Variants in FAT3 observed in about 807,000 individuals in gnomAD.
FAT3 encodes the protein protocadherin Fat 3.
FAT3 carries 95 observed loss-of-function variants against 310.2 expected under a neutral mutation model. The ratio of observed to expected loss-of-function variants is 0.31; its 90% confidence interval spans 0.26 to 0.36. The LOEUF is 0.36. Among genes scored for constraint, FAT3 ranks in the 10% least tolerant of loss-of-function variants. The pLI, the probability that FAT3 is intolerant of heterozygous loss-of-function variation, is 1.00. For synonymous variants in FAT3, 2,314 were observed against 2,192.9 expected (o/e 1.06, Z -1.54); for missense variants, 5,408 against 5,715.6 (o/e 0.95, Z 1.74).
intron 4 of FAT3, among the ~76,000 whole-genome samples, chr11:92,741,051 A>AT (rs1280140190): frequency 1.3e-5 from 2 of 151,380 alleles, no homozygotes; most frequent in African/African-American, 2.4e-5. Flanking sequence ...ATATATATAT[A>AT]TTTTTTTGAG....
At chr11:92,491,014 G>A (rs78271963) in intron 2 of FAT3, among the ~76,000 whole-genome samples, 2,479 of 152,120 alleles carry the variant, frequency 0.016, 72 homozygotes, top group African/African-American at 0.055. Flanking sequence ...GAAGAGGATT[G>A]TAAATAAAAC....
chr11:92,854,706 T>G (rs1252545156), intron 19 of FAT3, among the ~76,000 whole-genome samples: 1 of 152,248 alleles, frequency 6.6e-6, no homozygotes, highest in Non-Finnish European at 1.5e-5. Flanking sequence ...TTTGCTATCA[T>G]GCATCTGAAA....
chr11:92,655,399 A>C (rs1230458003), intron 3 of FAT3, among the ~76,000 whole-genome samples: 1 of 152,238 alleles, frequency 6.6e-6, no homozygotes, highest in African/African-American at 2.4e-5. Context: ...ATTCAGGAAT[A>C]CTGGACCTAT....
rs552807938 is a variant in FAT3 at position 92,369,722 on chromosome 11, C to T, written c.3292+14318C>T. On this transcript the variant is annotated intron_variant, in intron 2 of 27. Transcript: ENST00000525166. ...ATTAGCTAGGTATGGTAGCACACGC[C>T]TGTAGTCCCAGCTACTCGGGAGGCT... Among the ~76,000 whole-genome samples, 2 of 152,234 alleles carry T rather than the reference C, an allele frequency of 1.3e-5. 1 individual carries two copies. Among genetic ancestry groups the T allele is most frequent in the South Asian group, 4.1e-4 (2 of 4,826 alleles).
intron 4 of FAT3, among the ~76,000 whole-genome samples, chr11:92,708,777 AT>A (rs1565530097): frequency 6.6e-6 from 1 of 152,190 alleles, no homozygotes; most frequent in Non-Finnish European, 1.5e-5. Flanking sequence ...AAATATATTA[AT>A]TTTTTTGGCC....
chr11:92,554,076 G>T (rs1279098012), intron 3 of FAT3, among the ~76,000 whole-genome samples: 1 of 151,990 alleles, frequency 6.6e-6, no homozygotes, highest in Non-Finnish European at 1.5e-5. Flanking sequence ...AAAGTGCTGG[G>T]ATTACAGGTG....
chr11:92,391,963 G>A (rs1225721047), intron 2 of FAT3, among the ~76,000 whole-genome samples: 1 of 152,200 alleles, frequency 6.6e-6, no homozygotes, highest in Non-Finnish European at 1.5e-5. Flanking sequence ...GTGCACTACT[G>A]TCTGGTGAGG....
chr11:92,786,543 A>G (rs1204173098), intron 7 of FAT3, among the ~76,000 whole-genome samples: 1 of 152,158 alleles, frequency 6.6e-6, no homozygotes, highest in African/African-American at 2.4e-5. Context: ...AATGAAAACT[A>G]TACCGAAATG....
intron 1 of FAT3, among the ~76,000 whole-genome samples, chr11:92,306,385 G>A (rs145296728): frequency 0.013 from 1,952 of 148,642 alleles, 45 homozygotes; most frequent in African/African-American, 0.045. Context: ...GAAAGTAGAG[G>A]CCTATTTACT....
intron 3 of FAT3, among the ~76,000 whole-genome samples, chr11:92,651,753 T>C (rs1942386086): frequency 6.6e-6 from 1 of 152,136 alleles, no homozygotes; most frequent in African/African-American, 2.4e-5. Context: ...TTCCCCCAGA[T>C]TGTGTAGGGA....
At chr11:92,471,889 C>G (rs1400435067) in intron 2 of FAT3, among the ~76,000 whole-genome samples, 1 of 140,720 alleles carries the variant, frequency 7.1e-6, no homozygotes, top group Admixed American at 7.4e-5. Context: ...AGGTAAAAGT[C>G]TTCAAAAGAC....
chr11:92,371,448 G>A (rs1481205700), intron 2 of FAT3, among the ~76,000 whole-genome samples: 1 of 152,234 alleles, frequency 6.6e-6, no homozygotes, highest in African/African-American at 2.4e-5. Context: ...GCCAGGTAGT[G>A]GCTTATGCCT....
intron 3 of FAT3, among the ~76,000 whole-genome samples, chr11:92,667,686 C>A (rs1398676320): frequency 2.0e-5 from 3 of 152,196 alleles, no homozygotes; most frequent in African/African-American, 7.2e-5. Context: ...CAACAGGTGG[C>A]AGCCCCCTTT....
At chr11:92,329,403 C>T (rs746816889) in intron 1 of FAT3, among the ~76,000 whole-genome samples, 3 of 152,064 alleles carry the variant, frequency 2.0e-5, no homozygotes, top group Non-Finnish European at 4.4e-5. Context: ...GTGATCTCTG[C>T]ACATGCTGAC....
At chr11:92,462,325 C>T (rs1024279817) in intron 2 of FAT3, among the ~76,000 whole-genome samples, 6 of 152,052 alleles carry the variant, frequency 3.9e-5, no homozygotes, top group Non-Finnish European at 5.9e-5. Flanking sequence ...CTCCTCCCAC[C>T]CTCCACCCTT....
intron 7 of FAT3, among the ~76,000 whole-genome samples, chr11:92,774,685 T>C (rs1946552414): frequency 6.6e-6 from 1 of 152,198 alleles, no homozygotes. Flanking sequence ...CTGACTCTCT[T>C]CTGCCATTCT....
chr11:92,401,032 A>G (rs372536384), intron 2 of FAT3, among the ~76,000 whole-genome samples: 26 of 152,308 alleles, frequency 1.7e-4, no homozygotes, highest in African/African-American at 5.3e-4. Context: ...CAACCGTGAC[A>G]TATATAGAGT....
intron 2 of FAT3, among the ~76,000 whole-genome samples, chr11:92,392,908 G>A (rs1219764633): frequency 6.6e-6 from 1 of 152,110 alleles, no homozygotes; most frequent in Non-Finnish European, 1.5e-5. Context: ...AGAGGAGTCT[G>A]AGCAATTAGT....
At chr11:92,765,772 G>C (rs941315964) in intron 6 of FAT3, among the ~76,000 whole-genome samples, 1 of 110,088 alleles carries the variant, frequency 9.1e-6, no homozygotes, top group Non-Finnish European at 1.9e-5. Flanking sequence ...GGTTTGATAG[G>C]GTTTGGATTT....
Sources: allele counts gnomAD v4.1 joint callset (sites outside exome capture counted in the v4.1 genomes callset), GRCh38; gene constraint gnomAD v4.1.1; transcripts MANE v1.5; gene names NCBI Gene and HGNC (gene_info 2026-07-23, HGNC 2026-07-21).